ARMC9: variants seen among roughly 807,000 people sequenced by gnomAD.
ARMC9 encodes the protein armadillo repeat containing 9, also known as lisH domain-containing protein ARMC9.
A neutral mutation model predicts 107.0 loss-of-function variants in ARMC9; 94 were observed. That is an observed-to-expected ratio of 0.88 (90% CI 0.74 to 1.04). The LOEUF (loss-of-function observed/expected upper bound fraction) is 1.04. Ranked by LOEUF, ARMC9 falls within the 50% of genes least tolerant of loss-of-function variation. ARMC9 has a pLI of 0.00. For missense variants in ARMC9, 942 were observed against 1,030.1 expected (o/e 0.91, Z 1.17); for synonymous variants, 380 against 396.9 (o/e 0.96, Z 0.51).
At position 231,312,777 on chromosome 2, in the gene ARMC9, G is replaced by A. The variant is rs566379432; in HGVS notation, c.1773+16524G>A. On this transcript the variant is annotated intron_variant, in intron 19 of 24. Transcript: ENST00000611582. ...ATCCTCAGTTCTTAATTTCAGAAAC[G>A]TTACCATTCTTTTTCTAACAAAAAA... Among the ~76,000 whole-genome samples the A allele has an allele frequency of 2.0e-5, 3 of 152,146 alleles. No homozygotes were observed. The South Asian group carries it at 6.2e-4, about 32-fold the overall frequency.
chr2:231,369,314 A>C (rs1005040864), intron 23 of ARMC9, among the ~76,000 whole-genome samples: 4 of 151,256 alleles, frequency 2.6e-5, no homozygotes, highest in African/African-American at 7.3e-5. Context: ...TTTTTTTGAG[A>C]CAGAGTCTCA....
chr2:231,281,965 C>A (rs566154418), intron 16 of ARMC9, 94 bp from the exon 17 acceptor site: 52 of 1,217,242 alleles, frequency 4.3e-5, no homozygotes, highest in African/African-American at 3.3e-4. Flanking sequence ...CCACTCTCCC[C>A]ATTTGCCAGA....
intron 20 of ARMC9, among the ~76,000 whole-genome samples, chr2:231,343,897 T>C (rs1209404618): frequency 1.3e-5 from 2 of 151,054 alleles, no homozygotes; most frequent in Non-Finnish European, 3.0e-5. Context: ...AGACCTCGTC[T>C]CGAGGAAAAA....
At chr2:231,314,078 T>G (rs1178978113) in intron 19 of ARMC9, among the ~76,000 whole-genome samples, 5 of 149,408 alleles carry the variant, frequency 3.3e-5, no homozygotes, top group Admixed American at 1.3e-4. Context: ...TTTTTTTTTT[T>G]TTTTTGTTTT....
chr2:231,328,050 C>G (rs1445787854), intron 19 of ARMC9, among the ~76,000 whole-genome samples: 1 of 152,202 alleles, frequency 6.6e-6, no homozygotes, highest in African/African-American at 2.4e-5. Flanking sequence ...TTCCAAAGTG[C>G]TGGGATTACA....
At position 231,272,611 on chromosome 2, in the gene ARMC9, G is replaced by A. The variant is rs759883695; in HGVS notation, c.1211-344G>A. 4.6e-5 allele frequency among the ~76,000 whole-genome samples: 7 copies of A among 152,056 alleles called. 1 individual carries two copies. Among genetic ancestry groups the A allele is most frequent in the Non-Finnish European group, 1.0e-4 (7 of 68,018 alleles). ...AGGCTCACTGCAACCTGCCTCCTGG[G>A]GTCTAGCAATTCTCCTGCCTCAGCC... On this transcript the variant is annotated intron_variant, in intron 13 of 24. Coordinates refer to ENST00000611582, the MANE Select transcript of ARMC9 (RefSeq NM_001352754.2).
intron 15 of ARMC9, 59 bp downstream of exon 15, chr2:231,276,834 C>A: frequency 1.9e-6 from 3 of 1,592,766 alleles, no homozygotes; most frequent in Non-Finnish European, 2.6e-6. Flanking sequence ...ACTCTTGAAG[C>A]TGGGTTTCTA....
intron 3 of ARMC9, among the ~76,000 whole-genome samples, chr2:231,213,720 C>T (rs986263916): frequency 3.9e-5 from 6 of 152,036 alleles, no homozygotes; most frequent in Admixed American, 3.9e-4. Context: ...TGTGATCCAC[C>T]TGCCTTGGCC....
chr2:231,226,865 C>A, intron 7 of ARMC9, 67 bp downstream of exon 7: 1 of 1,522,624 alleles, frequency 6.6e-7, no homozygotes, highest in Non-Finnish European at 9.1e-7. Flanking sequence ...GTAGTAAGAT[C>A]GGTGCAAAGA....
At chr2:231,353,756 A>T (rs934489190) in intron 21 of ARMC9, among the ~76,000 whole-genome samples, 1 of 151,892 alleles carries the variant, frequency 6.6e-6, no homozygotes, top group African/African-American at 2.4e-5. Flanking sequence ...CTAGCAGGGA[A>T]TGTCATTCCT....
intron 20 of ARMC9, among the ~76,000 whole-genome samples, chr2:231,333,411 C>T (rs143579982): frequency 5.0e-4 from 76 of 152,316 alleles, no homozygotes; most frequent in African/African-American, 1.8e-3. Flanking sequence ...CCACCGCGAA[C>T]CCCTTCAGGG....
At chr2:231,366,043 C>T (rs2045803340) in intron 23 of ARMC9, among the ~76,000 whole-genome samples, 1 of 152,150 alleles carries the variant, frequency 6.6e-6, no homozygotes, top group Non-Finnish European at 1.5e-5. Context: ...TTAGTTAGGA[C>T]TCTCCAGGGA....
At position 231,331,898 on chromosome 2, in the gene ARMC9, G is replaced by A; in HGVS notation, c.1878+1G>A. The A allele has an allele frequency of 1.2e-6, 2 of 1,609,008 alleles. No individual in the cohort carries two copies. The highest frequency in any genetic ancestry group is 4.5e-5 in the East Asian group (2 of 44,848). On this transcript the variant is annotated splice_donor_variant, in intron 20 of 24. Coordinates refer to ENST00000611582, the MANE Select transcript of ARMC9 (RefSeq NM_001352754.2). LOFTEE classifies it high-confidence loss of function. ...GCTTCTGACCACGGAGTACCTGGGG[G>A]TAAGTGCCACACAAAGGGTGGGGAT...
intron 21 of ARMC9, among the ~76,000 whole-genome samples, chr2:231,349,305 T>C (rs2044942339): frequency 1.3e-5 from 2 of 152,204 alleles, no homozygotes; most frequent in South Asian, 2.1e-4. Flanking sequence ...GAGATCATTA[T>C]GCTACATGAA....
chr2:231,341,947 A>G (rs2044542178), intron 20 of ARMC9, among the ~76,000 whole-genome samples: 1 of 152,226 alleles, frequency 6.6e-6, no homozygotes, highest in Non-Finnish European at 1.5e-5. Context: ...CTGAATGAGT[A>G]CAGGTGGATG....
chr2:231,288,103 A>G (rs2040731149), intron 17 of ARMC9, among the ~76,000 whole-genome samples: 2 of 152,226 alleles, frequency 1.3e-5, no homozygotes, highest in Admixed American at 6.5e-5. Flanking sequence ...GATTGAAAGC[A>G]TTGAAGGAGC....
chr2:231,224,627 G>T (rs1006040366), intron 6 of ARMC9, among the ~76,000 whole-genome samples: 2 of 152,162 alleles, frequency 1.3e-5, no homozygotes, highest in Non-Finnish European at 2.9e-5. Flanking sequence ...TGTTCCACAT[G>T]CTTTGAAGCA....
In ARMC9 at chr2:231,360,039, T is replaced by C. The variant is rs572286857; in HGVS notation, c.2132-715T>C. On this transcript the variant is annotated intron_variant, in intron 22 of 24. Coordinates refer to ENST00000611582, the MANE Select transcript of ARMC9 (RefSeq NM_001352754.2). This position sits in a 1 kb window ranked among gnomAD's most constrained non-coding sequence, Gnocchi z 4.7. ...CGCTGCAGCAGTGACATGGACCCCT[T>C]CAGCTGTAGGAGAAGAGGAGAGGCG... is the stretch of plus-strand genomic sequence containing the variant. Among the ~76,000 whole-genome samples the C allele has an allele frequency of 6.6e-6, 1 of 152,202 alleles. No homozygotes were observed. The highest frequency in any genetic ancestry group is 6.5e-5 in the Admixed American group (1 of 15,290).
intron 16 of ARMC9, among the ~76,000 whole-genome samples, chr2:231,279,511 C>CTTTTTTTTTTTTTTT (rs57779512): frequency 2.4e-5 from 3 of 124,808 alleles, no homozygotes; most frequent in Admixed American, 8.2e-5. Flanking sequence ...TTTCTTTTTT[C>CTTTTTTTTTTTTTTT]TTTTTTTTTT....
Sources: gnomAD v4.1 joint callset for allele counts (sites outside exome capture counted in the v4.1 genomes callset) on GRCh38, gnomAD v4.1.1 for gene constraint, Gnocchi (gnomAD v3.1) non-coding constraint, MANE v1.5 for transcripts, NCBI Gene and HGNC (gene_info 2026-07-23, HGNC 2026-07-21) for gene names.